The following ITM2C variants were observed in gnomAD, a reference collection of about 807,000 sequenced individuals.
ITM2C encodes the protein BRICHOS domain containing 2C.
Under a neutral mutation model 30.0 loss-of-function variants are expected in ITM2C, and 20 were observed. The ratio of observed to expected loss-of-function variants is 0.67; its 90% CI spans 0.47 to 0.97. The LOEUF is 0.97. ITM2C is among the 50% of genes least tolerant of loss of function. ITM2C has a pLI of 0.00. For missense variants in ITM2C, 366 were observed against 371.9 expected, an observed-to-expected ratio of 0.98 and a Z score of 0.13; for synonymous variants, 167 against 156.4, an observed-to-expected ratio of 1.07 and a Z score of -0.51.
At chr2:230,868,104 A>C (rs1490306683) in intron 1 of ITM2C, among the ~76,000 whole-genome samples, 4 of 151,980 alleles carry the variant, frequency 2.6e-5, no homozygotes, top group Admixed American at 2.6e-4. Flanking sequence ...GTGAGGCGGC[A>C]GGAGCACCCT....
intron 1 of ITM2C, among the ~76,000 whole-genome samples, chr2:230,868,463 T>TCACACACA (rs10675424): frequency 0.012 from 1,856 of 150,386 alleles, 38 homozygotes; most frequent in African/African-American, 0.042. Context: ...GTGCCTGCAC[T>TCACACACA]CACACACACA....
intron 1 of ITM2C, among the ~76,000 whole-genome samples, chr2:230,872,307 G>C (rs920219137): frequency 1.4e-4 from 22 of 152,202 alleles, no homozygotes; most frequent in Non-Finnish European, 2.4e-4. Flanking sequence ...ACTGGCCCCG[G>C]GGCTTTTGCA....
intron 1 of ITM2C, among the ~76,000 whole-genome samples, chr2:230,866,143 A>G (rs1178664312): frequency 6.6e-6 from 1 of 152,008 alleles, no homozygotes; most frequent in Non-Finnish European, 1.5e-5. Flanking sequence ...TGGCCCAGCC[A>G]GGTTTTATTG....
At chr2:230,876,789 T>A in intron 3 of ITM2C, 68 bp from the exon 4 acceptor site, 1 of 1,110,560 alleles carries the variant, frequency 9.0e-7, no homozygotes, top group South Asian at 1.3e-5. Context: ...TGGCCAAAGC[T>A]TCTTGCAGCC....
intron 1 of ITM2C, among the ~76,000 whole-genome samples, chr2:230,866,237 C>T (rs1013944762): frequency 6.6e-6 from 1 of 152,226 alleles, no homozygotes; most frequent in African/African-American, 2.4e-5. Context: ...CTCCCCACCC[C>T]GCATTGAGGC....
Position 230,873,535 on chromosome 2 carries a change from A to G in ITM2C, c.239A>G (p.Tyr80Cys). 1 of 1,608,528 alleles carries G rather than the reference A, an allele frequency of 6.2e-7. No individual in the cohort carries two copies. ...CTCGTGTTCGCCTCTGTCTACATCT[A>G]CAGATACTTCTTCCTTGCGCAGGTG... ...MGLVFASVYIYRYFFLAQLAR... is the reference protein window; with the variant it reads ...MGLVFASVYICRYFFLAQLAR... Residue 80 changes from tyrosine (Y) to cysteine (C), a missense_variant, in exon 2 of 6, where the codon TAC (tyrosine) becomes TGC (cysteine). Transcript: ENST00000326427.
chr2:230,870,695 C>T (rs115865011), intron 1 of ITM2C, among the ~76,000 whole-genome samples: 3,371 of 152,306 alleles, frequency 0.022, 60 homozygotes, highest in Middle Eastern at 0.034. Context: ...CCGAGCCCAG[C>T]CCCTCCCCCA....
At chr2:230,864,864 C>A, upstream of ITM2C, 2 of 913,952 alleles carry the variant, frequency 2.2e-6, no homozygotes, top group Non-Finnish European at 2.8e-6. The surrounding 1 kb of genome is among the most constrained non-coding windows in gnomAD (Gnocchi z 4.3). Context: ...GGCGCCGGGG[C>A]CCTCCCGCGG....
chr2:230,869,163 C>T (rs1043244314), intron 1 of ITM2C, among the ~76,000 whole-genome samples: 1 of 152,216 alleles, frequency 6.6e-6, no homozygotes, highest in Non-Finnish European at 1.5e-5. Context: ...CCCATGAGGG[C>T]TCTTCCAGCA....
chr2:230,877,598 CCACAGTTATCTT>C lies in ITM2C; in HGVS notation c.712+52_712+63del, dbSNP rs1486948781. Reference sequence around the variant, plus strand: ...AGTAGCCCCTGTCCCGTGCCCCAGACCACAGTTATCTTCACGCCTAGCCCAGCTGTCAGAGAG... The same window carrying C: ...AGTAGCCCCTGTCCCGTGCCCCAGACCACGCCTAGCCCAGCTGTCAGAGAG... On this transcript the variant is annotated intron_variant, in intron 5 of 5. Transcript: ENST00000326427. This position sits in a 1 kb window ranked among gnomAD's most constrained non-coding sequence, Gnocchi z 4.8. The C allele has an allele frequency of 6.2e-7, 1 of 1,600,388 alleles. No individual in the cohort carries two copies. Among genetic ancestry groups the C allele is most frequent in the African/African-American group, 1.3e-5 (1 of 74,752 alleles).
At chr2:230,869,366 T>G (rs77381774) in intron 1 of ITM2C, among the ~76,000 whole-genome samples, 3,965 of 152,332 alleles carry the variant, frequency 0.026, 83 homozygotes, top group Middle Eastern at 0.075. Context: ...TCTGGACCAC[T>G]GGGCTCTGTG....
intron 1 of ITM2C, among the ~76,000 whole-genome samples, chr2:230,871,665 A>C (rs1697168824): frequency 1.3e-5 from 2 of 151,838 alleles, no homozygotes; most frequent in Admixed American, 1.3e-4. Context: ...CAGTGGTTTG[A>C]CCTCCCACAC....
Position 230,877,662 on chromosome 2 carries a change from AG to A in ITM2C, c.712+113del. The A allele has an allele frequency of 8.6e-7, 1 of 1,161,682 alleles. No individual in the cohort carries two copies. Among genetic ancestry groups the A allele is most frequent in the Non-Finnish European group, 1.2e-6 (1 of 803,552 alleles). 72.0% of individuals were successfully genotyped at this position (1,161,682 alleles called of 1,614,324 possible). On this transcript the variant is annotated intron_variant, in intron 5 of 5. Coordinates refer to ENST00000326427, the MANE Select transcript of ITM2C (RefSeq NM_030926.6). The surrounding 1 kb of genome is among the most constrained non-coding windows in gnomAD (Gnocchi z 4.8). The stretch of plus-strand genomic sequence containing the variant: ...TCAGATAGCAGCAGCAATAACAGCT[AG>A]CATTAGCAGAGCACTTCCGTGTGCC...
chr2:230,864,359 G>T (rs1696970252), upstream of ITM2C, among the ~76,000 whole-genome samples: 1 of 152,182 alleles, frequency 6.6e-6, no homozygotes, highest in Non-Finnish European at 1.5e-5. The surrounding 1 kb of genome is among the most constrained non-coding windows in gnomAD (Gnocchi z 4.3). Context: ...CAGGAATAAA[G>T]AATGAAGGCA....
rs945571948 is a variant in ITM2C, at chr2:230,865,162, C to T, written c.120+17C>T. On this transcript the variant is annotated intron_variant, in intron 1 of 5. Transcript: ENST00000326427. The surrounding 1 kb of genome is among the most constrained non-coding windows in gnomAD (Gnocchi z 6.8). ...CCGGCTAGGGTGAGAGGGTCTGGGG[C>T]TCAGGCGGTGGGGCGGGGGACCCAG... 2.1e-6 allele frequency: 3 copies of T among 1,420,590 alleles called. No individual in the cohort carries two copies. Among genetic ancestry groups the T allele is most frequent in the Non-Finnish European group, 1.9e-6 (2 of 1,074,790 alleles). The allele number at this position is 1,420,590 out of a possible 1,614,324, so 88.0% of individuals were successfully genotyped here.
intron 2 of ITM2C, among the ~76,000 whole-genome samples, chr2:230,875,253 C>T (rs894480628): frequency 1.3e-5 from 2 of 152,154 alleles, no homozygotes; most frequent in African/African-American, 2.4e-5. Flanking sequence ...TCCCAGTCAC[C>T]GACTCAAGGA....
upstream of ITM2C, chr2:230,864,894 G>A: frequency 2.7e-6 from 3 of 1,105,340 alleles, no homozygotes; most frequent in African/African-American, 3.2e-5. This position sits in a 1 kb window ranked among gnomAD's most constrained non-coding sequence, Gnocchi z 4.3. Context: ...GGGGAGGGCT[G>A]GGGGTGGGGT....
Position 230,877,747 on chromosome 2 carries a change from T to C in ITM2C, c.712+197T>C, listed in dbSNP as rs1376792827. 6.6e-6 allele frequency among the ~76,000 whole-genome samples: 1 copy of C among 152,178 alleles called. No individual in the cohort carries two copies. The highest frequency in any genetic ancestry group is 1.5e-5 in the Non-Finnish European group (1 of 68,022). ...GAGTGTAAGTCATTCTCATCCTCAT[T>C]ATTATTTTTGCTGCCCATTTTAAAG... On this transcript the variant is annotated intron_variant, in intron 5 of 5. Transcript: ENST00000326427. The surrounding 1 kb of genome is among the most constrained non-coding windows in gnomAD (Gnocchi z 4.8).
At chr2:230,868,645 C>A (rs1003531936) in intron 1 of ITM2C, among the ~76,000 whole-genome samples, 13 of 152,228 alleles carry the variant, frequency 8.5e-5, no homozygotes, top group African/African-American at 3.1e-4. Flanking sequence ...CCCTCCCCAG[C>A]CTGCATACCT....
Sources: gnomAD v4.1 joint callset for allele counts (sites outside exome capture counted in the v4.1 genomes callset) on GRCh38, gnomAD v4.1.1 for gene constraint, Gnocchi (gnomAD v3.1) non-coding constraint, MANE v1.5 for transcripts, NCBI Gene and HGNC (gene_info 2026-07-23, HGNC 2026-07-21) for gene names.